The following PCDHA2 variants were observed in gnomAD, a reference collection of about 807,000 sequenced individuals.
PCDHA2 encodes protocadherin alpha-2.
A neutral mutation model predicts 66.0 loss-of-function variants in PCDHA2; 58 were observed. The observed-to-expected ratio is 0.88, with a 90% CI of 0.71 to 1.09. PCDHA2 has a LOEUF of 1.09. Among genes scored for constraint, PCDHA2 ranks in the 50% least tolerant of loss-of-function variants. The pLI is 0.00. For synonymous variants in PCDHA2, 634 were observed against 554.0 expected (o/e 1.14, Z -2.03); for missense variants, 1,267 against 1,242.3 (o/e 1.02, Z -0.30).
chr5:140,830,177 G>A, intron 1 of PCDHA2: 2 of 1,613,644 alleles, frequency 1.2e-6, no homozygotes, highest in Non-Finnish European at 8.5e-7. Context: ...GCTGGTGGAT[G>A]TCAACGTGTA....
rs2150411782 is a variant in PCDHA2 at position 140,848,517 on chromosome 5, G to T, written c.2388+51165G>T. 2.4e-5 allele frequency: 38 copies of T among 1,592,614 alleles called. 5 individuals carry two copies. The highest frequency in any genetic ancestry group is 3.3e-4 in the Middle Eastern group (2 of 5,984). On this transcript the variant is annotated intron_variant, in intron 1 of 3. Coordinates refer to ENST00000526136, the MANE Select transcript of PCDHA2 (RefSeq NM_018905.3). ...TGAAATGTTATACTCAAGTCGAGGAGATCCAGAGGGTCAGCCTCTACTGCT... is the reference window on the plus strand; with the variant it reads ...TGAAATGTTATACTCAAGTCGAGGATATCCAGAGGGTCAGCCTCTACTGCT...
At chr5:140,972,797 G>A (rs1563419152) in intron 1 of PCDHA2, among the ~76,000 whole-genome samples, 3 of 151,664 alleles carry the variant, frequency 2.0e-5, no homozygotes, top group Admixed American at 2.0e-4. Flanking sequence ...CTGAGTAGCT[G>A]AGATTACAGG....
chr5:140,799,901 A>C (rs1554121043), intron 1 of PCDHA2, among the ~76,000 whole-genome samples: 9 of 152,112 alleles, frequency 5.9e-5, no homozygotes, highest in Non-Finnish European at 1.0e-4. Flanking sequence ...CCCACTTCCA[A>C]ATGCGGCGAG....
In PCDHA2 at chr5:140,967,342, C is replaced by G. The variant is rs149890293; in HGVS notation, c.2389-11607C>G. On this transcript the variant is annotated intron_variant, in intron 1 of 3. Coordinates refer to ENST00000526136, the MANE Select transcript of PCDHA2 (RefSeq NM_018905.3). ...CCTACGAGCTCAGCCCCAGCGAGCACTTCGAGCTGGACCTTAAGCCCCTGC... is the reference window on the plus strand; with the variant it reads ...CCTACGAGCTCAGCCCCAGCGAGCAGTTCGAGCTGGACCTTAAGCCCCTGC... The G allele has an allele frequency of 1.9e-6, 3 of 1,607,992 alleles. No individual in the cohort carries two copies. In the African/African-American group the frequency reaches 4.0e-5, roughly 22 times the overall value.
chr5:140,939,090 A>C (rs1563171940), intron 1 of PCDHA2, among the ~76,000 whole-genome samples: 1 of 152,192 alleles, frequency 6.6e-6, no homozygotes, highest in Non-Finnish European at 1.5e-5. Flanking sequence ...GGGTGGCTTA[A>C]AAACAATAGA....
chr5:140,959,449 A>G (rs2095488988), intron 1 of PCDHA2, among the ~76,000 whole-genome samples: 1 of 152,196 alleles, frequency 6.6e-6, no homozygotes, highest in South Asian at 2.1e-4. Context: ...TTTTGTGCTG[A>G]AAAGCTGAAG....
intron 1 of PCDHA2, among the ~76,000 whole-genome samples, chr5:140,888,659 C>A (rs1373585694): frequency 6.6e-6 from 1 of 152,198 alleles, no homozygotes; most frequent in Non-Finnish European, 1.5e-5. Context: ...AGGACACCAC[C>A]TAATGCCCTG....
At chr5:140,968,757 A>T in intron 1 of PCDHA2, 1 of 1,614,204 alleles carries the variant, frequency 6.2e-7, no homozygotes, top group Non-Finnish European at 8.5e-7. Context: ...GTGGTCCGAG[A>T]TAATGGAGAG....
intron 1 of PCDHA2, among the ~76,000 whole-genome samples, chr5:140,844,849 G>A (rs1554140744): frequency 6.7e-6 from 1 of 148,746 alleles, no homozygotes; most frequent in African/African-American, 2.5e-5. Context: ...TGTGACTGTT[G>A]GACCTGCCTG....
rs148479176 is a variant in PCDHA2, at chr5:140,884,341, G to A, written c.2388+86989G>A. 6.0e-4 allele frequency: 973 copies of A among 1,613,910 alleles called. 19 individuals carry two copies. In the South Asian group the frequency reaches 7.4e-3, roughly 12 times the overall value. On this transcript the variant is annotated intron_variant, in intron 1 of 3. Transcript: ENST00000526136. ...CGGCAGGCGCTGTGGGTCCAGAAGC[G>A]GCGCTGGTGGATGTCAATGTTTACT...
At chr5:140,913,503 T>G (rs1334607884) in intron 1 of PCDHA2, among the ~76,000 whole-genome samples, 6 of 152,182 alleles carry the variant, frequency 3.9e-5, no homozygotes, top group African/African-American at 1.4e-4. Context: ...GTTTAAAACT[T>G]TGTCAATTTT....
intron 1 of PCDHA2, among the ~76,000 whole-genome samples, chr5:140,806,651 T>C (rs979238078): frequency 6.6e-6 from 1 of 152,026 alleles, no homozygotes; most frequent in Non-Finnish European, 1.5e-5. Context: ...AAGAGGGTGT[T>C]ATCATTAATA....
intron 1 of PCDHA2, chr5:140,824,264 C>A: frequency 2.3e-6 from 3 of 1,285,746 alleles, no homozygotes; most frequent in Non-Finnish European, 3.3e-6. Context: ...TGCACTAATT[C>A]ATGTATTATA....
chr5:140,905,043 A>G (rs782694794), intron 1 of PCDHA2, among the ~76,000 whole-genome samples: 1 of 152,244 alleles, frequency 6.6e-6, no homozygotes, highest in East Asian at 1.9e-4. Flanking sequence ...TAGTTTAATT[A>G]GGTCCCATTT....
At chr5:140,869,377 C>A (rs1055077118) in intron 1 of PCDHA2, 2 of 1,614,110 alleles carry the variant, frequency 1.2e-6, no homozygotes, top group Non-Finnish European at 8.5e-7. Context: ...TCGGATCGAC[C>A]GCGAGGAGCT....
At chr5:140,854,340 A>G in intron 1 of PCDHA2, 1 of 189,954 alleles carries the variant, frequency 5.3e-6, no homozygotes, top group Non-Finnish European at 9.6e-6. Context: ...TTTACGCTCC[A>G]GATAGCTAAA....
At chr5:140,914,973 G>A (rs1166162661) in intron 1 of PCDHA2, among the ~76,000 whole-genome samples, 2 of 140,450 alleles carry the variant, frequency 1.4e-5, no homozygotes, top group Non-Finnish European at 3.0e-5. Context: ...CTGAGTCAGA[G>A]TCTTGCTCTG....
chr5:140,876,789 T>C (rs782509311), intron 1 of PCDHA2: 97 of 1,614,054 alleles, frequency 6.0e-5, no homozygotes, highest in Non-Finnish European at 7.5e-5. Context: ...GGGCCACGGC[T>C]AGAGTGTCCG....
intron 1 of PCDHA2, chr5:140,882,138 T>C: frequency 6.7e-7 from 1 of 1,489,248 alleles, no homozygotes; most frequent in South Asian, 1.4e-5. Context: ...CTGCAGAAAA[T>C]ATAGCAGAAA....
Sources: gnomAD v4.1 joint callset for allele counts (sites outside exome capture counted in the v4.1 genomes callset) on GRCh38, gnomAD v4.1.1 for gene constraint, MANE v1.5 for transcripts, NCBI Gene and HGNC (gene_info 2026-07-23, HGNC 2026-07-21) for gene names.